PLXND1: variants seen among roughly 807,000 people sequenced by gnomAD.
PLXND1 encodes plexin D1, also known as plexin-D1.
A neutral mutation model predicts 197.7 loss-of-function variants in PLXND1; 54 were observed. That is an observed-to-expected ratio of 0.27 (90% CI 0.22 to 0.34). PLXND1 has a LOEUF of 0.34. PLXND1 is among the 10% of genes least tolerant of loss of function. The pLI is 1.00. For missense variants in PLXND1, 2,127 were observed against 2,699.2 expected (o/e 0.79, Z 4.70); for synonymous variants, 1,180 against 1,161.2 (o/e 1.02, Z -0.33).
intron 8 of PLXND1, among the ~76,000 whole-genome samples, chr3:129,578,796 G>C (rs544423834): frequency 2.0e-3 from 303 of 152,264 alleles, no homozygotes; most frequent in African/African-American, 6.9e-3. Flanking sequence ...CCCAATAGTA[G>C]AACAGGGGGG....
chr3:129,605,369 T>C lies in PLXND1; in HGVS notation c.1271A>G (p.Gln424Arg), dbSNP rs1395489122. The C allele has an allele frequency of 2.7e-6, 4 of 1,495,608 alleles. No homozygotes were observed. Among genetic ancestry groups the C allele is most frequent in the Non-Finnish European group, 3.5e-6 (4 of 1,130,864 alleles). 92.6% of individuals were successfully genotyped at this position (1,495,608 alleles called of 1,614,324 possible). The change falls in exon 1 of 36, where the codon CAG becomes CGG. Residue 424 changes from glutamine to arginine, a missense_variant. Transcript: ENST00000324093. ...GCGCTCACAGGCCGGTCCCGTGCCC[T>C]GCACCACGCTGTCGAGCACCGCCAC... ...DVVAVLDSVV[Q>R]GTGPACERKL...
At position 129,571,168 on chromosome 3, in the gene PLXND1, C is replaced by T. The variant is rs1273421282; in HGVS notation, c.3472G>A (p.Asp1158Asn). Reference protein sequence around the residue: ...DEVAVAEELLDPEEAQRGSRF... With the variant: ...DEVAVAEELLNPEEAQRGSRF... ...CTGCCCCGCTGTGCCTCCTCGGGGT[C>T]CAGTAGCTCCTCAGCCACAGCCACC... Residue 1158 changes from aspartate to asparagine, a missense_variant, in exon 18 of 36, where the codon GAC (aspartate) becomes AAC (asparagine). Physicochemically the swap from Asp to Asn is conservative, Grantham distance 23. Around this residue, in one of 6 missense-constraint regions of PLXND1, gnomAD observed 532 missense variants for 811.0 expected, o/e 0.66. Coordinates refer to ENST00000324093, the MANE Select transcript of PLXND1 (RefSeq NM_015103.3). 2 of 1,614,092 alleles carry T rather than the reference C, an allele frequency of 1.2e-6. No homozygotes were observed. The highest frequency in any genetic ancestry group is 4.5e-5 in the East Asian group (2 of 44,900).
rs1261823183 is a variant in PLXND1, at chr3:129,589,413, C to T, written c.1426G>A (p.Val476Met). 8.1e-6 allele frequency: 13 copies of T among 1,611,346 alleles called. No individual in the cohort carries two copies. Among genetic ancestry groups the T allele is most frequent in the East Asian group, 6.7e-5 (3 of 44,710 alleles). ...FRAPGLTSVA[V>M]ASVNNYTAVF... ...GCTGTGTAGTTGTTGACGCTGGCCA[C>T]GGCCACGGAGGTGAGGCCCGGGGCG... Residue 476 changes from valine (V) to methionine (M), a missense_variant, in exon 2 of 36, where the codon GTG becomes ATG. Val to Met is a conservative substitution (Grantham distance 21, BLOSUM62 1). This residue lies in a region of PLXND1 where 1,095 missense variants were observed against 1,259.8 expected (regional missense o/e 0.87). Transcript: ENST00000324093.
At chr3:129,571,355 G>A (rs1288846906) in intron 17 of PLXND1, 52 bp from the exon 18 acceptor site, 1 of 1,585,540 alleles carries the variant, frequency 6.3e-7, no homozygotes, top group Non-Finnish European at 8.6e-7. Context: ...GGACAGATGG[G>A]CATGGAGAAA....
Position 129,577,894 on chromosome 3 carries a change from GGGGTTCTCT to G in PLXND1, c.2346+426_2346+434del, listed in dbSNP as rs2085335733. Among the ~76,000 whole-genome samples, 1 of 152,244 alleles carries G rather than the reference GGGGTTCTCT, an allele frequency of 6.6e-6. No homozygotes were observed. The highest frequency in any genetic ancestry group is 1.5e-5 in the Non-Finnish European group (1 of 68,032). ...GGACAATGGGGAATGGGGTGGCCAA[GGGGTTCTCT>G]GGTCATTCTGCAGGGAAGACATGGA... On this transcript the variant is annotated intron_variant, in intron 9 of 35. Coordinates refer to ENST00000324093, the MANE Select transcript of PLXND1 (RefSeq NM_015103.3). The surrounding 1 kb of genome is among the most constrained non-coding windows in gnomAD (Gnocchi z 5.0).
At position 129,571,714 on chromosome 3, in the gene PLXND1, C is replaced by G; in HGVS notation, c.3208G>C (p.Val1070Leu). The G allele has an allele frequency of 6.2e-7, 1 of 1,613,828 alleles. No individual in the cohort carries two copies. Among genetic ancestry groups the G allele is most frequent in the Non-Finnish European group, 8.5e-7 (1 of 1,179,982 alleles). ...NLTFWYMQNPVITAISPRRSP... is the reference protein window; with the variant it reads ...NLTFWYMQNPLITAISPRRSP... ...CGGCGGGGACTGATGGCCGTGATGACCGGGTTCTGCATGTACCAGAAGGTG... is the reference window on the plus strand; with the variant it reads ...CGGCGGGGACTGATGGCCGTGATGAGCGGGTTCTGCATGTACCAGAAGGTG... The change falls in exon 16 of 36, where the codon GTC becomes CTC. Residue 1070 changes from valine (V) to leucine (L), a missense_variant. Coordinates refer to ENST00000324093, the MANE Select transcript of PLXND1 (RefSeq NM_015103.3).
chr3:129,594,827 C>T (rs1272434452), intron 1 of PLXND1, among the ~76,000 whole-genome samples: 17 of 151,834 alleles, frequency 1.1e-4, no homozygotes, highest in Admixed American at 1.1e-3. Flanking sequence ...TTGTAACTTT[C>T]CTGAAAATCT....
intron 2 of PLXND1, 39 bp downstream of exon 2, chr3:129,589,312 C>CCCCCCCCCCCCCCCCCCCCCA: frequency 2.1e-6 from 1 of 481,102 alleles, no homozygotes; most frequent in Non-Finnish European, 4.0e-6. Context: ...GGGGAGCCTC[C>CCCCCCCCCCCCCCCCCCCCCA]CACCCCCACC....
At chr3:129,572,237 C>T (rs896331148) in intron 15 of PLXND1, among the ~76,000 whole-genome samples, 3 of 152,164 alleles carry the variant, frequency 2.0e-5, no homozygotes, top group Admixed American at 6.5e-5. Context: ...TTAGTGGGGT[C>T]TGGTACACAA....
chr3:129,603,241 C>T (rs1211924628), intron 1 of PLXND1, among the ~76,000 whole-genome samples: 1 of 152,158 alleles, frequency 6.6e-6, no homozygotes, highest in Non-Finnish European at 1.5e-5. Flanking sequence ...GGCCCTTCGC[C>T]ACTCTGTCCT....
At chr3:129,566,776 G>A in intron 22 of PLXND1, 145 bp from the exon 23 acceptor site, 1 of 589,156 alleles carries the variant, frequency 1.7e-6, no homozygotes. Flanking sequence ...CTAAGAGGCA[G>A]TGGGCCAAGC....
chr3:129,589,841 C>T (rs1236669839), intron 1 of PLXND1, among the ~76,000 whole-genome samples: 1 of 152,166 alleles, frequency 6.6e-6, no homozygotes, highest in Non-Finnish European at 1.5e-5. Context: ...GTGAGAGCTA[C>T]ACCCGCACCC....
intron 1 of PLXND1, among the ~76,000 whole-genome samples, chr3:129,597,714 T>C (rs927137559): frequency 1.2e-4 from 19 of 152,222 alleles, no homozygotes; most frequent in African/African-American, 4.3e-4. Flanking sequence ...GCAGGGCCCC[T>C]GCCACTGGAT....
intron 2 of PLXND1, 42 bp downstream of exon 2, chr3:129,589,309 C>CGGGGGGGGG: frequency 1.6e-6 from 1 of 643,998 alleles, no homozygotes; most frequent in Non-Finnish European, 2.8e-6. Context: ...CCAGGGGAGC[C>CGGGGGGGGG]TCCCACCCCC....
rs572562838 is a variant in PLXND1 at position 129,596,843 on chromosome 3, A to T, written c.1312-7316T>A. Among the ~76,000 whole-genome samples the T allele has an allele frequency of 3.9e-5, 6 of 152,236 alleles. No individual in the cohort carries two copies. In the South Asian group the frequency reaches 6.3e-4, roughly 16 times the overall value. ...GTCATCGCACGACCGCTGTGGACACAGCCAAGAAGACAGGGCTGCTTGGAG... is the reference window on the plus strand; with the variant it reads ...GTCATCGCACGACCGCTGTGGACACTGCCAAGAAGACAGGGCTGCTTGGAG... On this transcript the variant is annotated intron_variant, in intron 1 of 35. Transcript: ENST00000324093.
At chr3:129,590,222 C>T (rs1420156509) in intron 1 of PLXND1, among the ~76,000 whole-genome samples, 1 of 152,170 alleles carries the variant, frequency 6.6e-6, no homozygotes, top group African/African-American at 2.4e-5. Context: ...CCCATGTCCA[C>T]AACAGCCCAG....
At chr3:129,592,109 C>T (rs146899258) in intron 1 of PLXND1, among the ~76,000 whole-genome samples, 6 of 152,160 alleles carry the variant, frequency 3.9e-5, no homozygotes, top group Non-Finnish European at 8.8e-5. Context: ...CATTCCCCCC[C>T]ACCCGAGAGC....
intron 2 of PLXND1, among the ~76,000 whole-genome samples, chr3:129,587,561 G>A (rs926947000): frequency 6.6e-6 from 1 of 152,146 alleles, no homozygotes; most frequent in Non-Finnish European, 1.5e-5. Flanking sequence ...GCCCCAGGCT[G>A]GGCATTTTGA....
intron 8 of PLXND1, chr3:129,578,670 G>A: frequency 1.9e-6 from 1 of 519,484 alleles, no homozygotes; most frequent in African/African-American, 2.0e-5. Context: ...ACAGGCAGAT[G>A]GCATAACCCG....
Sources: gnomAD v4.1 joint callset for allele counts (sites outside exome capture counted in the v4.1 genomes callset) on GRCh38, gnomAD v4.1.1 for gene constraint, gnomAD v4.1.1 regional missense constraint, Gnocchi (gnomAD v3.1) non-coding constraint, MANE v1.5 for transcripts, NCBI Gene and HGNC (gene_info 2026-07-23, HGNC 2026-07-21) for gene names.